Variants in UNC5D observed in about 807,000 individuals in gnomAD.
UNC5D encodes the protein unc-5 netrin receptor D.
Under a neutral mutation model 105.4 loss-of-function variants are expected in UNC5D, and 39 were observed. That is an observed-to-expected ratio of 0.37 (90% CI 0.29 to 0.48). The LOEUF (loss-of-function observed/expected upper bound fraction) is 0.48, where lower values mean the gene tolerates loss of function less well. Ranked by LOEUF, UNC5D falls within the 20% of genes least tolerant of loss-of-function variation. UNC5D has a pLI of 0.98. For synonymous variants in UNC5D, 452 were observed against 450.4 expected, an observed-to-expected ratio of 1.00 and a Z score of -0.04; for missense variants, 991 against 1,202.4, an observed-to-expected ratio of 0.82 and a Z score of 2.60.
chr8:35,394,825 A>G (rs1265890059), intron 1 of UNC5D, among the ~76,000 whole-genome samples: 1 of 152,214 alleles, frequency 6.6e-6, no homozygotes, highest in Non-Finnish European at 1.5e-5. Flanking sequence ...AAATCTTGAC[A>G]TTATAATTTT....
At chr8:35,472,034 A>G (rs1809769496) in intron 1 of UNC5D, among the ~76,000 whole-genome samples, 1 of 152,242 alleles carries the variant, frequency 6.6e-6, no homozygotes, top group South Asian at 2.1e-4. Flanking sequence ...TTAAGATGAC[A>G]AGAACAAACT....
Position 35,784,578 on chromosome 8 carries a change from T to C in UNC5D, c.2658-5781T>C, listed in dbSNP as rs556325388. Among the ~76,000 whole-genome samples, 3 of 152,190 alleles carry C rather than the reference T, an allele frequency of 2.0e-5. No homozygotes were observed. The South Asian group carries it at 6.2e-4, about 32-fold the overall frequency. ...GCCTGTGCAACATGGCGAAATCCTG[T>C]ATCTACTAAAAGTACAAAAATTAGC... On this transcript the variant is annotated intron_variant, in intron 16 of 16. Transcript: ENST00000404895.
intron 4 of UNC5D, among the ~76,000 whole-genome samples, chr8:35,639,386 A>C (rs1363189328): frequency 3.3e-5 from 5 of 152,334 alleles, no homozygotes; most frequent in South Asian, 2.1e-4. Flanking sequence ...ATTGTTAACT[A>C]TAGGGAAAAA....
chr8:35,334,290 AT>A (rs1203589035), intron 1 of UNC5D, among the ~76,000 whole-genome samples: 1 of 152,212 alleles, frequency 6.6e-6, no homozygotes, highest in Non-Finnish European at 1.5e-5. Context: ...GTCCCTAAAG[AT>A]TTTACTAGCA....
At chr8:35,371,619 A>G (rs939765860) in intron 1 of UNC5D, among the ~76,000 whole-genome samples, 3 of 152,132 alleles carry the variant, frequency 2.0e-5, no homozygotes, top group Admixed American at 6.5e-5. Flanking sequence ...GTACCAAGTT[A>G]TGGTTTGTTA....
At chr8:35,386,505 A>G (rs1047215659) in intron 1 of UNC5D, among the ~76,000 whole-genome samples, 4 of 152,192 alleles carry the variant, frequency 2.6e-5, no homozygotes, top group African/African-American at 9.7e-5. Context: ...TGAAAGGGAA[A>G]TCGACTAAAA....
intron 1 of UNC5D, among the ~76,000 whole-genome samples, chr8:35,371,626 G>C (rs1802435649): frequency 6.6e-6 from 1 of 152,028 alleles, no homozygotes; most frequent in Non-Finnish European, 1.5e-5. Context: ...GTTATGGTTT[G>C]TTATGCATTT....
chr8:35,253,183 G>T (rs981848106), intron 1 of UNC5D, among the ~76,000 whole-genome samples: 4 of 151,802 alleles, frequency 2.6e-5, no homozygotes, highest in African/African-American at 9.7e-5. Flanking sequence ...CCACTTTGAT[G>T]CTTCCTTTCT....
intron 1 of UNC5D, among the ~76,000 whole-genome samples, chr8:35,322,117 G>A (rs1340910154): frequency 6.6e-6 from 1 of 152,154 alleles, no homozygotes; most frequent in South Asian, 2.1e-4. Context: ...AGTGTTATGA[G>A]TGTTGTGAAA....
chr8:35,518,815 C>T (rs982294397), intron 1 of UNC5D, among the ~76,000 whole-genome samples: 16 of 152,104 alleles, frequency 1.1e-4, no homozygotes, highest in Non-Finnish European at 1.8e-4. Context: ...TAGTAGTGCA[C>T]CTCTCTGCCT....
At chr8:35,495,051 AG>A (rs1811458800) in intron 1 of UNC5D, among the ~76,000 whole-genome samples, 1 of 152,010 alleles carries the variant, frequency 6.6e-6, no homozygotes, top group Non-Finnish European at 1.5e-5. Context: ...CGATCCAGTG[AG>A]GGTCAGGATT....
At chr8:35,709,064 A>G (rs574803860) in intron 8 of UNC5D, among the ~76,000 whole-genome samples, 15 of 151,984 alleles carry the variant, frequency 9.9e-5, no homozygotes, top group Non-Finnish European at 1.9e-4. Context: ...CAATCTGACT[A>G]TTCTGCCACC....
chr8:35,313,095 C>T (rs1809021148), intron 1 of UNC5D, among the ~76,000 whole-genome samples: 2 of 152,110 alleles, frequency 1.3e-5, no homozygotes, highest in Non-Finnish European at 2.9e-5. Flanking sequence ...TACAAGTCAC[C>T]ACTGGAGTAG....
chr8:35,680,873 G>C (rs1276572414), intron 4 of UNC5D, among the ~76,000 whole-genome samples: 1 of 152,134 alleles, frequency 6.6e-6, no homozygotes, highest in Non-Finnish European at 1.5e-5. Flanking sequence ...ACAGCTGAGC[G>C]GGGAACATAG....
intron 1 of UNC5D, among the ~76,000 whole-genome samples, chr8:35,285,052 A>G (rs1273359854): frequency 6.6e-6 from 1 of 152,190 alleles, no homozygotes; most frequent in African/African-American, 2.4e-5. Context: ...CCTAAATGAT[A>G]CACTCACTAC....
intron 4 of UNC5D, among the ~76,000 whole-genome samples, chr8:35,596,895 CT>C (rs1308941055): frequency 6.6e-6 from 1 of 152,122 alleles, no homozygotes; most frequent in African/African-American, 2.4e-5. Flanking sequence ...TTCCCTTTAG[CT>C]TAGTGATTTG....
At chr8:35,717,587 A>G (rs932781926) in intron 8 of UNC5D, among the ~76,000 whole-genome samples, 15 of 152,180 alleles carry the variant, frequency 9.9e-5, no homozygotes, top group Non-Finnish European at 1.9e-4. Flanking sequence ...ACTGGAGAGT[A>G]CTGTAAAGTC....
chr8:35,476,491 A>G (rs139726275), intron 1 of UNC5D, among the ~76,000 whole-genome samples: 128 of 152,326 alleles, frequency 8.4e-4, no homozygotes, highest in African/African-American at 2.8e-3. Context: ...ATACGCCAAT[A>G]AGGACAAAGG....
chr8:35,737,249 GCT>G (rs1491407915), intron 11 of UNC5D, among the ~76,000 whole-genome samples: 1 of 126,888 alleles, frequency 7.9e-6, no homozygotes, highest in Non-Finnish European at 1.7e-5. Flanking sequence ...GGCAAGATCT[GCT>G]CTGTGTGTGT....
Sources: gnomAD v4.1 joint callset for allele counts (sites outside exome capture counted in the v4.1 genomes callset) on GRCh38, gnomAD v4.1.1 for gene constraint, MANE v1.5 for transcripts, NCBI Gene and HGNC (gene_info 2026-07-23, HGNC 2026-07-21) for gene names.